TUBD1: variants seen among roughly 807,000 people sequenced by gnomAD.
TUBD1 encodes the protein tubulin delta 1.
Under a neutral mutation model 51.2 loss-of-function variants are expected in TUBD1, and 38 were observed. That is an observed-to-expected ratio of 0.74 (90% CI 0.57 to 0.97). The LOEUF (loss-of-function observed/expected upper bound fraction) is 0.97. Ranked by LOEUF, TUBD1 falls within the 50% of genes least tolerant of loss-of-function variation. The probability of loss-of-function intolerance (pLI) is 0.00; values close to 1 mark genes in which losing one functional copy is unlikely to be tolerated. For synonymous variants in TUBD1, 169 were observed against 178.2 expected, an observed-to-expected ratio of 0.95 and a Z score of 0.41; for missense variants, 489 against 538.4, an observed-to-expected ratio of 0.91 and a Z score of 0.91.
At position 59,866,562 on chromosome 17, in the gene TUBD1, T is replaced by C. The variant is rs372197632; in HGVS notation, c.1075+47A>G. 22 of 1,606,576 alleles carry C rather than the reference T, an allele frequency of 1.4e-5. No homozygotes were observed. In the African/African-American group the frequency reaches 2.8e-4, roughly 21 times the overall value. ...TAAAAACCATTTGTACCATATAGCATGTACAGGTACAAAATGTAAATCTTA... is the reference window on the plus strand; with the variant it reads ...TAAAAACCATTTGTACCATATAGCACGTACAGGTACAAAATGTAAATCTTA... On this transcript the variant is annotated intron_variant, in intron 7 of 8. Transcript: ENST00000325752.
intron 8 of TUBD1, among the ~76,000 whole-genome samples, chr17:59,862,852 G>A (rs1401759556): frequency 6.7e-6 from 1 of 150,360 alleles, no homozygotes; most frequent in Non-Finnish European, 1.5e-5. Context: ...AGCCTCCCGA[G>A]TAGCTGGGAC....
intron 5 of TUBD1, among the ~76,000 whole-genome samples, chr17:59,877,363 C>T (rs914500565): frequency 2.4e-4 from 37 of 152,222 alleles, no homozygotes; most frequent in African/African-American, 7.7e-4. Context: ...ACAATGCTGA[C>T]GCGCACATTG....
rs2040871879 is a variant in TUBD1, at chr17:59,889,196, T to C, written c.172+1635A>G. 2.0e-5 allele frequency among the ~76,000 whole-genome samples: 3 copies of C among 150,594 alleles called. No individual in the cohort carries two copies. In the South Asian group the frequency reaches 6.3e-4, roughly 32 times the overall value. On this transcript the variant is annotated intron_variant, in intron 2 of 8. Coordinates refer to ENST00000325752, the MANE Select transcript of TUBD1 (RefSeq NM_016261.4). ...GTCCGGCTAATTTTTGTATTTTTAG[T>C]CGAGACGGGGTTTTACCCTGTTGGC...
chr17:59,871,795 A>G lies in TUBD1; in HGVS notation c.934+2744T>C, dbSNP rs2039992118. On this transcript the variant is annotated intron_variant, in intron 6 of 8. Coordinates refer to ENST00000325752, the MANE Select transcript of TUBD1 (RefSeq NM_016261.4). ...ATGGGTTTAAACATATTAAGAAAGA[A>G]TTCTTTTTTTTTATTTTTGAGACAG... is the stretch of plus-strand genomic sequence containing the variant. 2.6e-5 allele frequency among the ~76,000 whole-genome samples: 4 copies of G among 152,040 alleles called. No homozygotes were observed. The South Asian group carries it at 8.3e-4, about 32-fold the overall frequency.
intron 2 of TUBD1, among the ~76,000 whole-genome samples, chr17:59,887,207 A>C (rs1212337579): frequency 1.3e-5 from 2 of 151,568 alleles, no homozygotes; most frequent in African/African-American, 2.4e-5. Context: ...AACAAACAAA[A>C]AACAAAAATA....
chr17:59,868,108 C>CAAAAA lies in TUBD1; in HGVS notation c.935-1364_935-1360dup, dbSNP rs35401242. 3.4e-4 allele frequency among the ~76,000 whole-genome samples: 9 copies of CAAAAA among 26,802 alleles called. 1 individual carries two copies. The highest frequency in any genetic ancestry group is 1.5e-3 in the East Asian group (1 of 662). The allele number at this position is 26,802 out of a possible 152,430, so 17.6% of individuals were successfully genotyped here. Reference sequence around the variant, plus strand: ...TGAAACCCCATCTCCACTAAAAATACAAAAAAAAAAAAAAAAAAAAAAAAA... The same window carrying CAAAAA: ...TGAAACCCCATCTCCACTAAAAATACAAAAAAAAAAAAAAAAAAAAAAAAAAAAAA... On this transcript the variant is annotated intron_variant, in intron 6 of 8. Transcript: ENST00000325752.
chr17:59,863,825 C>T lies in TUBD1; in HGVS notation c.1098G>A (p.Leu366=), dbSNP rs1444231876. ...TAACAGGCTTCAACCAGGAAGTATA[C>T]AGAGCTGGATCTTTAAATCCCTCTA... is the stretch of plus-strand genomic sequence containing the variant. ...ADVEGFKDPA[L]YTSWLKPVNA... is the part of the protein sequence containing the mutation. Residue 366 remains leucine, a synonymous_variant, in exon 8 of 9, where the codon CTG becomes CTA. Coordinates refer to ENST00000325752, the MANE Select transcript of TUBD1 (RefSeq NM_016261.4). The T allele has an allele frequency of 1.9e-6, 3 of 1,578,954 alleles. No individual in the cohort carries two copies. Among genetic ancestry groups the T allele is most frequent in the Non-Finnish European group, 2.6e-6 (3 of 1,167,676 alleles).
At position 59,860,361 on chromosome 17, in the gene TUBD1, C is replaced by G; in HGVS notation, c.1323G>C (p.Thr441=). Residue 441 remains threonine, a synonymous_variant, in exon 9 of 9, where the codon ACG becomes ACC. Transcript: ENST00000325752. ...AACTGGCAACAACCTGCTCTAATGA[C>G]GTGAAACTGTCTAAAAAGTCCTCTT... ...IEEEDFLDSF[T]SLEQVVASYC... 1.2e-6 allele frequency: 2 copies of G among 1,612,210 alleles called. No homozygotes were observed. The highest frequency in any genetic ancestry group is 1.7e-6 in the Non-Finnish European group (2 of 1,179,500).
At chr17:59,890,343 A>G (rs2040941400) in intron 2 of TUBD1, among the ~76,000 whole-genome samples, 1 of 152,116 alleles carries the variant, frequency 6.6e-6, no homozygotes, top group South Asian at 2.1e-4. Flanking sequence ...TCCTGGGTTC[A>G]AGTGATTCTC....
intron 3 of TUBD1, among the ~76,000 whole-genome samples, chr17:59,883,333 G>C (rs1410834953): frequency 6.6e-6 from 1 of 151,218 alleles, no homozygotes; most frequent in Non-Finnish European, 1.5e-5. Flanking sequence ...GCAATGGTGT[G>C]ACCTTGGCTC....
rs537714105 is a variant in TUBD1, at chr17:59,879,305, A to G, written c.538-971T>C. 3.3e-5 allele frequency among the ~76,000 whole-genome samples: 5 copies of G among 151,972 alleles called. No homozygotes were observed. In the East Asian group the frequency reaches 7.7e-4, roughly 24 times the overall value. On this transcript the variant is annotated intron_variant, in intron 4 of 8. Coordinates refer to ENST00000325752, the MANE Select transcript of TUBD1 (RefSeq NM_016261.4). ...AAAAAAGGAAAGAAATTTTCTCCCA[A>G]TGGAAAGAAATAAAAATTACTTGAG...
intron 3 of TUBD1, among the ~76,000 whole-genome samples, chr17:59,884,171 G>A (rs930325836): frequency 6.6e-6 from 1 of 151,318 alleles, no homozygotes; most frequent in African/African-American, 2.4e-5. Context: ...TGAGGCAGGA[G>A]AATCACTTGA....
chr17:59,868,198 C>A (rs1158940821), intron 6 of TUBD1, among the ~76,000 whole-genome samples: 2 of 139,472 alleles, frequency 1.4e-5, no homozygotes, highest in East Asian at 4.2e-4. Context: ...GCAGGAGAAT[C>A]GTTTGAACCC....
At chr17:59,872,295 T>C (rs1428879089) in intron 6 of TUBD1, among the ~76,000 whole-genome samples, 1 of 151,922 alleles carries the variant, frequency 6.6e-6, no homozygotes, top group African/African-American at 2.4e-5. Context: ...GGGTCTTGCT[T>C]TGTTGCTCAA....
chr17:59,869,252 A>G (rs1246250907), intron 6 of TUBD1, among the ~76,000 whole-genome samples: 2 of 151,664 alleles, frequency 1.3e-5, no homozygotes, highest in Non-Finnish European at 2.9e-5. Flanking sequence ...AAGGCGGGCA[A>G]ATCACAAGGT....
In TUBD1 at chr17:59,890,929, C is replaced by T; in HGVS notation, c.74G>A (p.Ser25Asn). The T allele has an allele frequency of 6.2e-7, 1 of 1,614,016 alleles. No homozygotes were observed. Among genetic ancestry groups the T allele is most frequent in the East Asian group, 2.2e-5 (1 of 44,874 alleles). ...GAGTCCCTGGGAACTGTGTGAGTCACTAAGCAAAGCATCAAAAACTTCAAA... is the reference window on the plus strand; with the variant it reads ...GAGTCCCTGGGAACTGTGTGAGTCATTAAGCAAAGCATCAAAAACTTCAAA... ...IGFEVFDALL[S>N]DSHSSQGLCS... Residue 25 changes from serine to asparagine, a missense_variant, in exon 2 of 9, where the codon AGT (serine) becomes AAT (asparagine). By Grantham distance (46) the Ser-to-Asn change is conservative. Coordinates refer to ENST00000325752, the MANE Select transcript of TUBD1 (RefSeq NM_016261.4).
At chr17:59,874,363 G>T (rs1157807486) in intron 6 of TUBD1, among the ~76,000 whole-genome samples, 176 bp downstream of exon 6, 1 of 152,022 alleles carries the variant, frequency 6.6e-6, no homozygotes, top group Non-Finnish European at 1.5e-5. Flanking sequence ...TTTTGGTAAT[G>T]AAACTGTGAA....
At chr17:59,885,230 T>G in intron 3 of TUBD1, 1 of 493,456 alleles carries the variant, frequency 2.0e-6, no homozygotes, top group Non-Finnish European at 3.9e-6. Context: ...ACATGGGGTA[T>G]GGCGACTACC....
intron 4 of TUBD1, among the ~76,000 whole-genome samples, chr17:59,880,287 G>A (rs911013770): frequency 2.7e-5 from 4 of 148,242 alleles, no homozygotes; most frequent in Non-Finnish European, 5.9e-5. Flanking sequence ...TCGATCTCTT[G>A]ACCTCATGAT....
Sources: allele counts gnomAD v4.1 joint callset (sites outside exome capture counted in the v4.1 genomes callset), GRCh38; gene constraint gnomAD v4.1.1; transcripts MANE v1.5; gene names NCBI Gene and HGNC (gene_info 2026-07-23, HGNC 2026-07-21).